Variants in LARP4 observed in about 807,000 individuals in gnomAD.
The protein encoded by LARP4 is La ribonucleoprotein 4, also known as la-related protein 4.
LARP4 carries 29 observed loss-of-function variants against 92.9 expected under a neutral mutation model. The ratio of observed to expected loss-of-function variants is 0.31; its 90% CI spans 0.23 to 0.43. LARP4 has a LOEUF of 0.43. LARP4 is among the 20% of genes least tolerant of loss of function. The probability of loss-of-function intolerance (pLI) is 1.00; values close to 1 mark genes in which losing one functional copy is unlikely to be tolerated. For missense variants in LARP4, 732 were observed against 860.0 expected, an observed-to-expected ratio of 0.85 and a Z score of 1.86; for synonymous variants, 279 against 284.1, an observed-to-expected ratio of 0.98 and a Z score of 0.18.
chr12:50,471,359 C>G (rs982564762), intron 13 of LARP4, among the ~76,000 whole-genome samples: 1 of 152,114 alleles, frequency 6.6e-6, no homozygotes, highest in Non-Finnish European at 1.5e-5. Flanking sequence ...ACTGTTAATA[C>G]AGATGATTGT....
chr12:50,470,428 T>C (rs933305620), intron 13 of LARP4, among the ~76,000 whole-genome samples: 1 of 152,018 alleles, frequency 6.6e-6, no homozygotes, highest in Non-Finnish European at 1.5e-5. Flanking sequence ...ACTTTCTTTC[T>C]TTCTTTCTTT....
chr12:50,425,566 A>G (rs947114828), intron 1 of LARP4, among the ~76,000 whole-genome samples: 1 of 152,216 alleles, frequency 6.6e-6, no homozygotes, highest in Non-Finnish European at 1.5e-5. Flanking sequence ...GTCAAAAATT[A>G]TGCTGTACCC....
Position 50,474,418 on chromosome 12 carries a change from C to T in LARP4, c.1836+251C>T, listed in dbSNP as rs140252893. Among the ~76,000 whole-genome samples, 534 of 152,074 alleles carry T rather than the reference C, an allele frequency of 3.5e-3. 4 individuals carry two copies. Among genetic ancestry groups the T allele is most frequent in the African/African-American group, 0.012 (493 of 41,502 alleles). Reference sequence around the variant, plus strand: ...GCTGGAGTGCAGTGGCACGATCTCGCGTCACTGCAAGCTCCGCCTCCCGGG... The same window carrying T: ...GCTGGAGTGCAGTGGCACGATCTCGTGTCACTGCAAGCTCCGCCTCCCGGG... On this transcript the variant is annotated intron_variant, in intron 15 of 15. Coordinates refer to ENST00000398473, the MANE Select transcript of LARP4 (RefSeq NM_052879.5).
intron 8 of LARP4, among the ~76,000 whole-genome samples, chr12:50,443,687 A>G (rs907628245): frequency 3.6e-4 from 55 of 151,958 alleles, no homozygotes; most frequent in African/African-American, 1.1e-3. Context: ...TCTCAGCTCA[A>G]TGCAACCTCC....
chr12:50,422,983 A>G (rs557207837), intron 1 of LARP4, among the ~76,000 whole-genome samples: 1 of 151,704 alleles, frequency 6.6e-6, no homozygotes, highest in South Asian at 2.1e-4. Context: ...ATGCTTGGCT[A>G]ATTTTTTTGT....
chr12:50,479,790 G>A lies in LARP4; in HGVS notation c.*3926G>A, dbSNP rs1250833537. 1 of 151,986 alleles carries A rather than the reference G, an allele frequency of 6.6e-6. No individual in the cohort carries two copies. Among genetic ancestry groups the A allele is most frequent in the Non-Finnish European group, 1.5e-5 (1 of 67,982 alleles). The allele number at this position is 151,986 out of a possible 1,614,324, so 9.4% of individuals were successfully genotyped here. A position where few individuals can be genotyped will look rare whatever the true frequency, so the allele number is the denominator to read the frequency against. On this transcript the variant is annotated 3_prime_UTR_variant, in exon 16 of 16. Coordinates refer to ENST00000398473, the MANE Select transcript of LARP4 (RefSeq NM_052879.5). ...TCCTTTGCATCTCTTAAATGTTGGG[G>A]GTGGGGGTCAGAGCCAGTTATCCGG...
chr12:50,440,504 T>C lies in LARP4; in HGVS notation c.705T>C (p.Asn235=). 1 of 1,613,908 alleles carries C rather than the reference T, an allele frequency of 6.2e-7. No homozygotes were observed. The highest frequency in any genetic ancestry group is 8.5e-7 in the Non-Finnish European group (1 of 1,179,818). ...PKVISCEFAH[N]SNWYITFQSD... is the part of the protein sequence containing the mutation. ...TGATAAGCTGTGAGTTTGCACACAA[T>C]AGCAACTGGTATATCACTTTCCAGT... is the stretch of plus-strand genomic sequence containing the variant. Residue 235 remains asparagine, a synonymous_variant, in exon 7 of 16, where the codon AAT becomes AAC. Coordinates refer to ENST00000398473, the MANE Select transcript of LARP4 (RefSeq NM_052879.5).
intron 1 of LARP4, among the ~76,000 whole-genome samples, chr12:50,411,801 G>A (rs200522268): frequency 1.3e-5 from 2 of 151,572 alleles, no homozygotes; most frequent in East Asian, 1.9e-4. Flanking sequence ...CTGCCTCAGC[G>A]TCCCGAGTAG....
intron 10 of LARP4, among the ~76,000 whole-genome samples, chr12:50,458,869 T>G (rs1221717392): frequency 6.6e-6 from 1 of 152,250 alleles, no homozygotes. Flanking sequence ...TTTAACCACA[T>G]TGCATACCTT....
chr12:50,443,463 G>T (rs1222467009), intron 8 of LARP4, among the ~76,000 whole-genome samples: 1 of 151,920 alleles, frequency 6.6e-6, no homozygotes, highest in Non-Finnish European at 1.5e-5. Flanking sequence ...TAGAGTTGGG[G>T]TCTATGTTGC....
chr12:50,452,400 T>C (rs909843562), intron 8 of LARP4, among the ~76,000 whole-genome samples: 4 of 152,110 alleles, frequency 2.6e-5, no homozygotes, highest in African/African-American at 9.7e-5. Context: ...CAGGCTGGTC[T>C]GGAATTCATG....
Position 50,429,056 on chromosome 12 carries a change from A to G in LARP4, c.288A>G (p.Pro96=), listed in dbSNP as rs1314239663. 3 of 1,611,778 alleles carry G rather than the reference A, an allele frequency of 1.9e-6. No homozygotes were observed. The highest frequency in any genetic ancestry group is 1.7e-5 in the Admixed American group (1 of 59,630). ...CAACTGATGGGATGATTTTAGGACC[A>G]GAAGATCTGAGTTACCAAATATATG... ...EESTDGMILG[P]EDLSYQIYDV... Residue 96 remains proline (P), a synonymous_variant, in exon 3 of 16, where the codon CCA becomes CCG. Coordinates refer to ENST00000398473, the MANE Select transcript of LARP4 (RefSeq NM_052879.5).
intron 1 of LARP4, among the ~76,000 whole-genome samples, chr12:50,413,909 TGAA>T (rs1946334773): frequency 6.6e-6 from 1 of 152,224 alleles, no homozygotes; most frequent in Non-Finnish European, 1.5e-5. Flanking sequence ...ATTTTATAGA[TGAA>T]CTACAGTTCA....
In LARP4 at chr12:50,453,607, T is replaced by G. The variant is rs1379892195; in HGVS notation, c.952T>G (p.Ser318Ala). ...QPVYNPHQQYSVYSIVPQSWS... is the reference protein window; with the variant it reads ...QPVYNPHQQYAVYSIVPQSWS... ...TGTATATAATCCTCACCAACAGTAC[T>G]CGGTCTATAGTATTGTGCCTCAGTC... is the stretch of plus-strand genomic sequence containing the variant. The change falls in exon 9 of 16, where the codon TCG becomes GCG. Residue 318 changes from serine (S) to alanine (A), a missense_variant. Physicochemically the swap from Ser to Ala is moderately conservative, Grantham distance 99 (BLOSUM62 1). Around this residue, in one of 7 missense-constraint regions of LARP4, gnomAD observed 264 missense variants for 269.5 expected, o/e 0.98. Transcript: ENST00000398473. The G allele has an allele frequency of 6.2e-7, 1 of 1,613,756 alleles. No individual in the cohort carries two copies. Among genetic ancestry groups the G allele is most frequent in the Admixed American group, 1.7e-5 (1 of 60,000 alleles).
intron 1 of LARP4, among the ~76,000 whole-genome samples, chr12:50,411,929 C>A (rs796715740): frequency 6.6e-6 from 1 of 152,062 alleles, no homozygotes; most frequent in African/African-American, 2.4e-5. Flanking sequence ...GTGATCCACC[C>A]GCCTTGGCCT....
chr12:50,461,195 C>A lies in LARP4; in HGVS notation c.1182C>A (p.Ser394=), dbSNP rs1955314354. The A allele has an allele frequency of 6.2e-7, 1 of 1,613,980 alleles. No homozygotes were observed. Among genetic ancestry groups the A allele is most frequent in the African/African-American group, 1.3e-5 (1 of 74,968 alleles). Reference sequence around the variant, plus strand: ...AACACTCAACAGAGGGCTCTGTATCCTTGGGGGATGGACAGTTGAACAGAT... The same window carrying A: ...AACACTCAACAGAGGGCTCTGTATCATTGGGGGATGGACAGTTGAACAGAT... ...GSEHSTEGSV[S]LGDGQLNRYS... The change falls in exon 11 of 16, where the codon TCC becomes TCA. Residue 394 remains serine, a synonymous_variant. Coordinates refer to ENST00000398473, the MANE Select transcript of LARP4 (RefSeq NM_052879.5).
chr12:50,450,012 C>T (rs1468139006), intron 8 of LARP4, among the ~76,000 whole-genome samples: 4 of 134,640 alleles, frequency 3.0e-5, no homozygotes, highest in African/African-American at 1.1e-4. Flanking sequence ...CAGCTCACTG[C>T]AACCTCCGCC....
In LARP4 at chr12:50,461,122, G is replaced by A. The variant is rs753812824; in HGVS notation, c.1122-13G>A. On this transcript the variant is annotated splice_polypyrimidine_tract_variant and intron_variant, in intron 10 of 15. Transcript: ENST00000398473. The stretch of plus-strand genomic sequence containing the variant: ...TTTACTGCTTTGTGTATATCATTTT[G>A]TATTTCCTATAGTGTGAAGCCTCAG... 5.6e-5 allele frequency: 90 copies of A among 1,600,236 alleles called. No homozygotes were observed. Among genetic ancestry groups the A allele is most frequent in the Non-Finnish European group, 8.6e-6 (10 of 1,167,604 alleles).
intron 1 of LARP4, among the ~76,000 whole-genome samples, chr12:50,425,595 A>G (rs1259926347): frequency 2.6e-5 from 4 of 152,036 alleles, no homozygotes; most frequent in Non-Finnish European, 4.4e-5. Flanking sequence ...TGAGTTTATC[A>G]CCCTTAGGGG....
Sources: gnomAD v4.1 joint callset for allele counts (sites outside exome capture counted in the v4.1 genomes callset) on GRCh38, gnomAD v4.1.1 for gene constraint, gnomAD v4.1.1 regional missense constraint, MANE v1.5 for transcripts, NCBI Gene and HGNC (gene_info 2026-07-23, HGNC 2026-07-21) for gene names.